Variants in CRACD observed in about 807,000 individuals in gnomAD.
CRACD encodes the protein capping protein-inhibiting regulator of actin dynamics.
Under a neutral mutation model 106.8 loss-of-function variants are expected in CRACD, and 56 were observed. That is an observed-to-expected ratio of 0.52 (90% CI 0.42 to 0.66). The LOEUF (loss-of-function observed/expected upper bound fraction) is 0.66, where lower values mean the gene tolerates loss of function less well. Ranked by LOEUF, CRACD falls within the 30% of genes least tolerant of loss-of-function variation. The pLI is 0.00. For synonymous variants in CRACD, 754 were observed against 670.8 expected, an observed-to-expected ratio of 1.12 and a Z score of -1.92; for missense variants, 1,730 against 1,623.2, an observed-to-expected ratio of 1.07 and a Z score of -1.13.
chr4:56,217,179 A>G (rs1455923183), intron 2 of CRACD, among the ~76,000 whole-genome samples: 4 of 152,092 alleles, frequency 2.6e-5, no homozygotes, highest in African/African-American at 4.8e-5. Context: ...CTAACAAAGT[A>G]CCAAAAACTA....
intron 1 of CRACD, among the ~76,000 whole-genome samples, chr4:56,166,203 T>G (rs1736137456): frequency 6.6e-6 from 1 of 152,192 alleles, no homozygotes; most frequent in Non-Finnish European, 1.5e-5. Flanking sequence ...ATTCTGAGCC[T>G]TAACCATATT....
At chr4:56,225,845 A>C (rs570425338) in intron 2 of CRACD, among the ~76,000 whole-genome samples, 1 of 152,198 alleles carries the variant, frequency 6.6e-6, no homozygotes, top group Non-Finnish European at 1.5e-5. Flanking sequence ...AATTTTTGAG[A>C]TATTACTGTA....
intron 2 of CRACD, among the ~76,000 whole-genome samples, chr4:56,205,614 GA>G (rs1233973123): frequency 1.6e-4 from 24 of 151,640 alleles, no homozygotes; most frequent in Admixed American, 1.4e-3. Flanking sequence ...CTCCATTTTA[GA>G]AAAAAGTACT....
Position 56,132,425 on chromosome 4 carries a change from C to T in CRACD, c.-335-46859C>T, listed in dbSNP as rs149227150. 4.1e-3 allele frequency among the ~76,000 whole-genome samples: 628 copies of T among 152,278 alleles called. 3 individuals carry two copies. The highest frequency in any genetic ancestry group is 0.014 in the African/African-American group (585 of 41,548). On this transcript the variant is annotated intron_variant, in intron 1 of 10. Transcript: ENST00000682029. Reference sequence around the variant, plus strand: ...GTGTGATCACGGCTCACTGCAGCCTCAACCTTCCAGACTCTAGCAGTTCTC... The same window carrying T: ...GTGTGATCACGGCTCACTGCAGCCTTAACCTTCCAGACTCTAGCAGTTCTC...
chr4:56,320,447 C>T (rs1362399074), intron 8 of CRACD, among the ~76,000 whole-genome samples: 1 of 152,184 alleles, frequency 6.6e-6, no homozygotes, highest in Non-Finnish European at 1.5e-5. Flanking sequence ...AATTGACTAT[C>T]TTTCAAAACC....
At chr4:56,295,643 T>A (rs1346438414) in intron 3 of CRACD, among the ~76,000 whole-genome samples, 1 of 141,748 alleles carries the variant, frequency 7.1e-6, no homozygotes, top group Non-Finnish European at 1.5e-5. Flanking sequence ...TACACACAAC[T>A]GTGAGAAATT....
intron 1 of CRACD, among the ~76,000 whole-genome samples, chr4:56,067,717 A>G (rs1456636391): frequency 6.6e-6 from 1 of 152,126 alleles, no homozygotes; most frequent in African/African-American, 2.4e-5. Context: ...CTGGGATTAC[A>G]GGAGTGCGCC....
intron 2 of CRACD, among the ~76,000 whole-genome samples, chr4:56,236,499 A>G (rs980317308): frequency 6.6e-6 from 1 of 152,204 alleles, no homozygotes; most frequent in African/African-American, 2.4e-5. Flanking sequence ...AGCACTGGAT[A>G]TTGGCAGGAC....
chr4:56,269,186 C>T (rs1271428271), intron 2 of CRACD, among the ~76,000 whole-genome samples: 1 of 151,966 alleles, frequency 6.6e-6, no homozygotes, highest in African/African-American at 2.4e-5. Flanking sequence ...AGTTGGAGAT[C>T]GGCCTGGCCA....
intron 2 of CRACD, among the ~76,000 whole-genome samples, chr4:56,244,959 C>T (rs1478919241): frequency 6.6e-6 from 1 of 152,218 alleles, no homozygotes; most frequent in East Asian, 1.9e-4. Flanking sequence ...CATTAATTAC[C>T]CACTGCTCCC....
intron 1 of CRACD, among the ~76,000 whole-genome samples, chr4:56,093,719 C>T (rs1273120313): frequency 2.0e-5 from 3 of 152,194 alleles, no homozygotes; most frequent in Non-Finnish European, 4.4e-5. Context: ...ACAAAAGTGA[C>T]AATATCAGAA....
chr4:56,263,191 A>G (rs1741809102), intron 2 of CRACD, among the ~76,000 whole-genome samples: 1 of 152,204 alleles, frequency 6.6e-6, no homozygotes. Flanking sequence ...TTTCTAGAGA[A>G]TGTGACACCT....
chr4:56,095,201 A>G (rs1233665792), intron 1 of CRACD, among the ~76,000 whole-genome samples: 1 of 152,160 alleles, frequency 6.6e-6, no homozygotes, highest in African/African-American at 2.4e-5. Flanking sequence ...AAAATAAAAA[A>G]ATTAGCTGGG....
chr4:56,324,005 T>A (rs1746272176), intron 9 of CRACD, 99 bp from the exon 10 acceptor site: 2 of 1,335,498 alleles, frequency 1.5e-6, no homozygotes, highest in Admixed American at 2.2e-5. Flanking sequence ...GAAGCAGAGG[T>A]CAGGGGCTGG....
chr4:56,298,632 G>A (rs915510757), intron 4 of CRACD, among the ~76,000 whole-genome samples: 2 of 152,152 alleles, frequency 1.3e-5, no homozygotes, highest in Non-Finnish European at 2.9e-5. Flanking sequence ...AAGTACCCAA[G>A]AGAAGCTGCA....
chr4:56,209,087 T>C (rs1738274057), intron 2 of CRACD, among the ~76,000 whole-genome samples: 1 of 152,202 alleles, frequency 6.6e-6, no homozygotes, highest in African/African-American at 2.4e-5. Context: ...CAAATTTTAC[T>C]TTTGCATTAG....
At chr4:56,274,046 T>A (rs1163833641) in intron 3 of CRACD, among the ~76,000 whole-genome samples, 1 of 152,246 alleles carries the variant, frequency 6.6e-6, no homozygotes, top group African/African-American at 2.4e-5. Context: ...TACTGACTCT[T>A]TTCCTTGACA....
intron 1 of CRACD, among the ~76,000 whole-genome samples, chr4:56,095,713 C>T (rs1181579266): frequency 6.6e-6 from 1 of 152,024 alleles, no homozygotes; most frequent in Non-Finnish European, 1.5e-5. Flanking sequence ...GCTTTTGCGT[C>T]AGAGAGATGG....
intron 3 of CRACD, among the ~76,000 whole-genome samples, chr4:56,274,220 A>AT (rs1271426378): frequency 6.6e-6 from 1 of 152,200 alleles, no homozygotes; most frequent in Non-Finnish European, 1.5e-5. Flanking sequence ...GTTTGAATCC[A>AT]TTTTGATTTT....
Sources: allele counts gnomAD v4.1 joint callset (sites outside exome capture counted in the v4.1 genomes callset), GRCh38; gene constraint gnomAD v4.1.1; transcripts MANE v1.5; gene names NCBI Gene and HGNC (gene_info 2026-07-23, HGNC 2026-07-21).